Variants in TMED8 observed in about 807,000 individuals in gnomAD.
The protein encoded by TMED8 is transmembrane p24 trafficking protein family member 8.
Under a neutral mutation model 32.7 loss-of-function variants are expected in TMED8, and 15 were observed. The ratio of observed to expected loss-of-function variants is 0.46; its 90% CI spans 0.31 to 0.71. TMED8 has a LOEUF of 0.71. TMED8 is among the 30% of genes least tolerant of loss of function. The pLI, the probability that TMED8 is intolerant of heterozygous loss-of-function variation, is 0.06. For missense variants in TMED8, 390 were observed against 423.9 expected, an observed-to-expected ratio of 0.92 and a Z score of 0.70; for synonymous variants, 147 against 161.4, an observed-to-expected ratio of 0.91 and a Z score of 0.68.
intron 1 of TMED8, among the ~76,000 whole-genome samples, chr14:77,355,156 G>GTA (rs907420179): frequency 6.7e-6 from 1 of 148,792 alleles, no homozygotes; most frequent in Admixed American, 6.7e-5. Context: ...TATATGTATT[G>GTA]TGTGTGTGTG....
intron 2 of TMED8, among the ~76,000 whole-genome samples, chr14:77,351,185 A>C (rs1893165790): frequency 6.6e-6 from 1 of 151,910 alleles, no homozygotes; most frequent in Admixed American, 6.6e-5. Flanking sequence ...TTAGAAACAA[A>C]AGTTAAAAAT....
At chr14:77,346,021 T>C (rs1313952971) in intron 3 of TMED8, among the ~76,000 whole-genome samples, 3 of 136,970 alleles carry the variant, frequency 2.2e-5, no homozygotes, top group African/African-American at 8.0e-5. Flanking sequence ...AAATACTAAA[T>C]AGATCTACCA....
At chr14:77,374,936 A>T (rs2139643572) in intron 1 of TMED8, among the ~76,000 whole-genome samples, 1 of 152,344 alleles carries the variant, frequency 6.6e-6, no homozygotes, top group East Asian at 1.9e-4. Flanking sequence ...AAAAACAAAC[A>T]ATTATAGACT....
chr14:77,369,830 C>T (rs75756239), intron 1 of TMED8, among the ~76,000 whole-genome samples: 5,958 of 152,260 alleles, frequency 0.039, 159 homozygotes, highest in Middle Eastern at 0.061. Flanking sequence ...TGCCTATTTA[C>T]CCATATCAAT....
intron 1 of TMED8, among the ~76,000 whole-genome samples, chr14:77,364,767 G>A (rs903077935): frequency 6.6e-6 from 1 of 151,948 alleles, no homozygotes; most frequent in Non-Finnish European, 1.5e-5. Context: ...CCTTGTCAAG[G>A]TCTACACATT....
At chr14:77,355,481 C>T (rs1312853065) in intron 1 of TMED8, among the ~76,000 whole-genome samples, 2 of 152,134 alleles carry the variant, frequency 1.3e-5, no homozygotes, top group African/African-American at 4.8e-5. Flanking sequence ...CAGGCGTGAC[C>T]CACCATGGCC....
chr14:77,346,459 C>G lies in TMED8; in HGVS notation c.217G>C (p.Val73Leu). Residue 73 changes from valine (V) to leucine (L), a missense_variant, in exon 3 of 6, where the codon GTG (valine) becomes CTG (leucine). By Grantham distance (32) the Val-to-Leu change is conservative. Coordinates refer to ENST00000216468, the MANE Select transcript of TMED8 (RefSeq NM_213601.3). ...SPHRPQMVSP[V>L]SKDATEDLRK... ...AGATCTTCCGTGGCATCCTTACTCA[C>G]TGGAGATACCATCTGTGGCCTCTCA... The G allele has an allele frequency of 6.2e-7, 1 of 1,614,190 alleles. No homozygotes were observed. Among genetic ancestry groups the G allele is most frequent in the Non-Finnish European group, 8.5e-7 (1 of 1,180,032 alleles).
rs1227686477 is a variant in TMED8, at chr14:77,372,906, T to TTTTATATA, written c.118+4029_118+4030insTATATAAA. 3.4e-4 allele frequency among the ~76,000 whole-genome samples: 12 copies of TTTTATATA among 35,342 alleles called. 1 individual carries two copies. The highest frequency in any genetic ancestry group is 1.4e-3 in the East Asian group (1 of 736). The allele number at this position is 35,342 out of a possible 152,430, so 23.2% of individuals were successfully genotyped here. ...ATGCACATTGAAATAGCCACAGATA[T>TTTTATATA]TATATATATATATATATATATATAT... On this transcript the variant is annotated intron_variant, in intron 1 of 5. Coordinates refer to ENST00000216468, the MANE Select transcript of TMED8 (RefSeq NM_213601.3).
chr14:77,373,405 G>A (rs535315907), intron 1 of TMED8, among the ~76,000 whole-genome samples: 1 of 151,956 alleles, frequency 6.6e-6, no homozygotes, highest in South Asian at 2.1e-4. Context: ...CTCTCCTCTG[G>A]GGAACTGAAG....
chr14:77,347,556 C>T (rs574357746), intron 2 of TMED8, among the ~76,000 whole-genome samples: 104 of 152,318 alleles, frequency 6.8e-4, no homozygotes, highest in African/African-American at 2.2e-3. Flanking sequence ...GCATGTGCCA[C>T]GACACCCGGC....
chr14:77,370,856 G>A (rs991492839), intron 1 of TMED8, among the ~76,000 whole-genome samples: 1 of 151,976 alleles, frequency 6.6e-6, no homozygotes. Context: ...GGCTGATGCA[G>A]GAGAATCGCT....
chr14:77,367,310 AAGAGT>A lies in TMED8; in HGVS notation c.118+9621_118+9625del, dbSNP rs1893577488. Among the ~76,000 whole-genome samples the A allele has an allele frequency of 2.0e-4, 31 of 152,020 alleles. 1 individual carries two copies. The highest frequency in any genetic ancestry group is 1.5e-3 in the Admixed American group (23 of 15,272). On this transcript the variant is annotated intron_variant, in intron 1 of 5. Coordinates refer to ENST00000216468, the MANE Select transcript of TMED8 (RefSeq NM_213601.3). ...ATTGTGAAATATAACGCAAATGTAGAAGAGTACACAAAAGTGTATACCTCAATAAA... is the reference window on the plus strand; with the variant it reads ...ATTGTGAAATATAACGCAAATGTAGAACACAAAAGTGTATACCTCAATAAA...
Position 77,367,306 on chromosome 14 carries a change from G to A in TMED8, c.118+9630C>T, listed in dbSNP as rs922084626. ...TTCTATTGTGAAATATAACGCAAATGTAGAAGAGTACACAAAAGTGTATAC... is the reference window on the plus strand; with the variant it reads ...TTCTATTGTGAAATATAACGCAAATATAGAAGAGTACACAAAAGTGTATAC... On this transcript the variant is annotated intron_variant, in intron 1 of 5. Transcript: ENST00000216468. Among the ~76,000 whole-genome samples the A allele has an allele frequency of 2.1e-4, 30 of 141,132 alleles. 1 individual carries two copies. The highest frequency in any genetic ancestry group is 1.6e-3 in the Admixed American group (23 of 14,164). The allele number at this position is 141,132 out of a possible 152,430, so 92.6% of individuals were successfully genotyped here.
At chr14:77,375,392 A>G (rs1893790052) in intron 1 of TMED8, among the ~76,000 whole-genome samples, 1 of 152,196 alleles carries the variant, frequency 6.6e-6, no homozygotes, top group African/African-American at 2.4e-5. Flanking sequence ...CCATAAACAC[A>G]TGAGAACCTA....
chr14:77,359,477 G>C, intron 1 of TMED8: 1 of 236,970 alleles, frequency 4.2e-6, no homozygotes, highest in Non-Finnish European at 8.7e-6. Flanking sequence ...AAATACCAAT[G>C]ATGAAACAAC....
intron 2 of TMED8, among the ~76,000 whole-genome samples, chr14:77,348,230 C>CTT (rs11374350): frequency 6.9e-4 from 102 of 148,298 alleles, no homozygotes; most frequent in Middle Eastern, 6.9e-3. Context: ...GTTTTAATTT[C>CTT]TTTTTTTTTT....
rs1043272555 is a variant in TMED8 at position 77,376,609 on chromosome 14, G to A, written c.118+327C>T. ...GTCTAGATGTGATTAGCAGACGGAGGTGGGACCCGAACCCCGGCTGAAGCT... is the reference window on the plus strand; with the variant it reads ...GTCTAGATGTGATTAGCAGACGGAGATGGGACCCGAACCCCGGCTGAAGCT... On this transcript the variant is annotated intron_variant, in intron 1 of 5. Coordinates refer to ENST00000216468, the MANE Select transcript of TMED8 (RefSeq NM_213601.3). The surrounding 1 kb of genome is among the most constrained non-coding windows in gnomAD (Gnocchi z 4.0). 5 of 184,582 alleles carry A rather than the reference G, an allele frequency of 2.7e-5. No homozygotes were observed. Among genetic ancestry groups the A allele is most frequent in the African/African-American group, 7.0e-5 (3 of 42,726 alleles). The allele number at this position is 184,582 out of a possible 1,614,324, so 11.4% of individuals were successfully genotyped here. A position where few individuals can be genotyped will look rare whatever the true frequency, so the allele number is the denominator to read the frequency against.
rs1365268919 is a variant in TMED8 at position 77,376,406 on chromosome 14, AG to A, written c.118+529del. Reference sequence around the variant, plus strand: ...CGATGGAGAGGATGGCAGCAAGGCCAGGGGGCCTATGTGCAGGAAGGCTAGG... The same window carrying A: ...CGATGGAGAGGATGGCAGCAAGGCCAGGGGCCTATGTGCAGGAAGGCTAGG... On this transcript the variant is annotated intron_variant, in intron 1 of 5. Coordinates refer to ENST00000216468, the MANE Select transcript of TMED8 (RefSeq NM_213601.3). This position sits in a 1 kb window ranked among gnomAD's most constrained non-coding sequence, Gnocchi z 4.0. 1.3e-5 allele frequency among the ~76,000 whole-genome samples: 2 copies of A among 152,246 alleles called. No homozygotes were observed. The highest frequency in any genetic ancestry group is 1.3e-4 in the Admixed American group (2 of 15,288).
At chr14:77,360,973 CTT>C (rs71128616) in intron 1 of TMED8, among the ~76,000 whole-genome samples, 1,536 of 85,440 alleles carry the variant, frequency 0.018, 22 homozygotes, top group African/African-American at 0.071. Context: ...GATCCTTTGC[CTT>C]TTTTTTTTTT....
Sources: gnomAD v4.1 joint callset for allele counts (sites outside exome capture counted in the v4.1 genomes callset) on GRCh38, gnomAD v4.1.1 for gene constraint, Gnocchi (gnomAD v3.1) non-coding constraint, MANE v1.5 for transcripts, NCBI Gene and HGNC (gene_info 2026-07-23, HGNC 2026-07-21) for gene names.